SOCS5: variants seen among roughly 807,000 people sequenced by gnomAD.
SOCS5 encodes the protein suppressor of cytokine signaling 5, also known as CIS-6.
A neutral mutation model predicts 42.8 loss-of-function variants in SOCS5; 32 were observed. The observed-to-expected ratio is 0.75, with a 90% CI of 0.56 to 1.01. The LOEUF (loss-of-function observed/expected upper bound fraction) is 1.01. Ranked by LOEUF, SOCS5 falls within the 50% of genes least tolerant of loss-of-function variation. The pLI is 0.00. For missense variants in SOCS5, 627 were observed against 653.0 expected, an observed-to-expected ratio of 0.96 and a Z score of 0.43; for synonymous variants, 283 against 229.6, an observed-to-expected ratio of 1.23 and a Z score of -2.10.
intron 1 of SOCS5, among the ~76,000 whole-genome samples, chr2:46,757,513 C>T (rs554612114): frequency 1.3e-5 from 2 of 152,082 alleles, no homozygotes; most frequent in African/African-American, 4.8e-5. Context: ...CATAGCCTTT[C>T]TCTATTACTT....
chr2:46,756,434 T>G (rs1333553932), intron 1 of SOCS5, among the ~76,000 whole-genome samples: 2 of 152,240 alleles, frequency 1.3e-5, no homozygotes, highest in African/African-American at 4.8e-5. Flanking sequence ...TGTTTAAATG[T>G]AAAAATTTTT....
chr2:46,741,286 C>G (rs1304506627), intron 1 of SOCS5, among the ~76,000 whole-genome samples: 1 of 152,174 alleles, frequency 6.6e-6, no homozygotes, highest in African/African-American at 2.4e-5. Context: ...ACCACTCAGG[C>G]TGGAGTGCAG....
intron 1 of SOCS5, among the ~76,000 whole-genome samples, chr2:46,715,169 G>C (rs1672710005): frequency 6.6e-6 from 1 of 152,002 alleles, no homozygotes; most frequent in Non-Finnish European, 1.5e-5. Flanking sequence ...AGGAGTTCAA[G>C]ACCAGCCTGA....
At chr2:46,712,652 T>C (rs1672652544) in intron 1 of SOCS5, among the ~76,000 whole-genome samples, 1 of 152,316 alleles carries the variant, frequency 6.6e-6, no homozygotes, top group Admixed American at 6.5e-5. Context: ...TGTTCAGCTT[T>C]CTTAAAAAAT....
intron 1 of SOCS5, among the ~76,000 whole-genome samples, chr2:46,702,712 A>G (rs1672370735): frequency 6.6e-6 from 1 of 151,820 alleles, no homozygotes; most frequent in African/African-American, 2.4e-5. Flanking sequence ...GTGTGACTCC[A>G]ATTTTATAAC....
chr2:46,750,977 A>G (rs993545257), intron 1 of SOCS5, among the ~76,000 whole-genome samples: 1 of 152,180 alleles, frequency 6.6e-6, no homozygotes, highest in African/African-American at 2.4e-5. Context: ...GAACTTAATG[A>G]CACTATTGTA....
intron 1 of SOCS5, among the ~76,000 whole-genome samples, chr2:46,732,705 C>G (rs184911576): frequency 7.6e-4 from 115 of 152,296 alleles, no homozygotes; most frequent in Non-Finnish European, 4.3e-4. Context: ...CAGCTGGGCT[C>G]TGAGAATCTG....
At chr2:46,751,072 G>A (rs1452678303) in intron 1 of SOCS5, among the ~76,000 whole-genome samples, 5 of 152,040 alleles carry the variant, frequency 3.3e-5, no homozygotes, top group African/African-American at 1.2e-4. Flanking sequence ...AATAATAGAA[G>A]AAATTGAAGT....
intron 1 of SOCS5, among the ~76,000 whole-genome samples, chr2:46,748,288 C>G (rs1043524263): frequency 1.3e-5 from 2 of 151,384 alleles, no homozygotes; most frequent in African/African-American, 4.9e-5. Context: ...CAGGTTCCAG[C>G]AATCCTCCCA....
At chr2:46,717,055 G>A (rs964047250) in intron 1 of SOCS5, among the ~76,000 whole-genome samples, 2 of 152,128 alleles carry the variant, frequency 1.3e-5, no homozygotes, top group African/African-American at 4.8e-5. Flanking sequence ...TCTTTGTGTA[G>A]CCTCATGGAG....
intron 1 of SOCS5, among the ~76,000 whole-genome samples, chr2:46,737,963 G>A (rs551254031): frequency 9.2e-5 from 14 of 152,280 alleles, no homozygotes; most frequent in South Asian, 4.1e-4. Context: ...TACAGTTGTA[G>A]AGATAAAATT....
chr2:46,745,813 T>C lies in SOCS5; in HGVS notation c.-12-12706T>C, dbSNP rs769001856. Among the ~76,000 whole-genome samples the C allele has an allele frequency of 7.2e-5, 11 of 152,198 alleles. No individual in the cohort carries two copies. In the South Asian group the frequency reaches 1.4e-3, roughly 20 times the overall value. On this transcript the variant is annotated intron_variant, in intron 1 of 1. Transcript: ENST00000394861. ...AATTTAATTTTTTCCTGAGAGTTTC[T>C]TTGTCTTGGTCTTTAGAAGGATTGA... is the stretch of plus-strand genomic sequence containing the variant.
rs1184314604 is a variant in SOCS5 at position 46,699,802 on chromosome 2, G to C, written c.-13+353G>C. On this transcript the variant is annotated intron_variant, in intron 1 of 1. Transcript: ENST00000394861. The surrounding 1 kb of genome is among the most constrained non-coding windows in gnomAD (Gnocchi z 4.8). ...CCAGTAGGAGGGCATCCGTGATCGG[G>C]GTCGTGGTGGGTCGCGGGGAGGCCA... 6.6e-6 allele frequency among the ~76,000 whole-genome samples: 1 copy of C among 152,144 alleles called. No individual in the cohort carries two copies. The highest frequency in any genetic ancestry group is 1.9e-4 in the East Asian group (1 of 5,182).
intron 1 of SOCS5, among the ~76,000 whole-genome samples, chr2:46,706,426 C>A (rs149838906): frequency 1.2e-4 from 19 of 152,086 alleles, no homozygotes; most frequent in African/African-American, 4.6e-4. Context: ...TTGCTATGGT[C>A]GGCTTTGGTT....
At chr2:46,716,139 C>A (rs1400799830) in intron 1 of SOCS5, among the ~76,000 whole-genome samples, 1 of 137,694 alleles carries the variant, frequency 7.3e-6, no homozygotes, top group Non-Finnish European at 1.5e-5. Flanking sequence ...TCTAGAAGTT[C>A]TCTTACACAT....
chr2:46,735,005 A>T (rs2103732937), intron 1 of SOCS5, among the ~76,000 whole-genome samples: 1 of 152,192 alleles, frequency 6.6e-6, no homozygotes, highest in South Asian at 2.1e-4. Context: ...TCCATTTTCC[A>T]CTTGGCACAT....
rs573235689 is a variant in SOCS5, at chr2:46,752,168, C to CT, written c.-12-6337dup. On this transcript the variant is annotated intron_variant, in intron 1 of 1. Transcript: ENST00000394861. ...AACCTATTTAGTTCAGTGTTTTGTT[C>CT]TTTTTTTTTTTTTTCGGCGAGTATT... Among the ~76,000 whole-genome samples the CT allele has an allele frequency of 1.5e-3, 208 of 140,138 alleles. 1 individual carries two copies. The highest frequency in any genetic ancestry group is 2.5e-3 in the African/African-American group (98 of 38,460). The allele number at this position is 140,138 out of a possible 152,430, so 91.9% of individuals were successfully genotyped here. A position where few individuals can be genotyped will look rare whatever the true frequency, so the allele number is the denominator to read the frequency against.
At chr2:46,702,847 A>G (rs1442230566) in intron 1 of SOCS5, among the ~76,000 whole-genome samples, 1 of 152,210 alleles carries the variant, frequency 6.6e-6, no homozygotes, top group Non-Finnish European at 1.5e-5. Flanking sequence ...TTAATGGTGT[A>G]TCACTTAAAG....
intron 1 of SOCS5, among the ~76,000 whole-genome samples, chr2:46,734,420 A>G (rs951930666): frequency 4.6e-5 from 7 of 152,192 alleles, no homozygotes; most frequent in Admixed American, 3.9e-4. Context: ...ACCTGCATAC[A>G]GGTATAGGCA....
Sources: allele counts gnomAD v4.1 joint callset (sites outside exome capture counted in the v4.1 genomes callset), GRCh38; gene constraint gnomAD v4.1.1; non-coding constraint Gnocchi (gnomAD v3.1); transcripts MANE v1.5; gene names NCBI Gene and HGNC (gene_info 2026-07-23, HGNC 2026-07-21).